The following NEMP2 variants were observed in gnomAD, a reference collection of about 807,000 sequenced individuals.
The protein encoded by NEMP2 is UPF0571 transmembrane protein.
NEMP2 carries 53 observed loss-of-function variants against 54.2 expected under a neutral mutation model. The observed-to-expected ratio is 0.98, with a 90% CI of 0.78 to 1.23. The LOEUF is 1.23. NEMP2 is among the 50% of genes most tolerant of loss of function. NEMP2 has a pLI of 0.00. For synonymous variants in NEMP2, 197 were observed against 190.3 expected, an observed-to-expected ratio of 1.04 and a Z score of -0.29; for missense variants, 455 against 511.3, an observed-to-expected ratio of 0.89 and a Z score of 1.06.
the NEMP2 span, among the ~76,000 whole-genome samples, chr2:190,472,945 G>A: frequency 6.6e-6 from 1 of 152,186 alleles, no homozygotes; most frequent in Non-Finnish European, 1.5e-5. Flanking sequence ...CATTCTTAAA[G>A]GAAAGAATTT....
In NEMP2 at chr2:190,504,754, G is replaced by A. The variant is rs1690147523; in HGVS notation, c.*4435C>T. On this transcript the variant is annotated 3_prime_UTR_variant, in exon 9 of 9. Transcript: ENST00000409150. The surrounding 1 kb of genome is among the most constrained non-coding windows in gnomAD (Gnocchi z 5.6). ...AATTGTAAACTTACATTTGAAAAAA[G>A]GTCGGATTTTTTTTGTTTCCTGAAA... 6.6e-6 allele frequency: 1 copy of A among 152,008 alleles called. No individual in the cohort carries two copies. The highest frequency in any genetic ancestry group is 2.1e-4 in the South Asian group (1 of 4,818). 9.4% of individuals were successfully genotyped at this position (152,008 alleles called of 1,614,324 possible). A position where few individuals can be genotyped will look rare whatever the true frequency, so the allele number is the denominator to read the frequency against.
chr2:190,572,833 G>GCTTATATA, the NEMP2 span, among the ~76,000 whole-genome samples: 41 of 47,864 alleles, frequency 8.6e-4, 1 homozygote, highest in Non-Finnish European at 1.2e-3. Context: ...CTTTTCATGA[G>GCTTATATA]TATATATATA....
chr2:190,426,017 T>A, the NEMP2 span, among the ~76,000 whole-genome samples: 1 of 152,202 alleles, frequency 6.6e-6, no homozygotes, highest in Admixed American at 6.5e-5. The surrounding 1 kb of genome is among the most constrained non-coding windows in gnomAD (Gnocchi z 4.7). Context: ...GTTTGACTGA[T>A]GAGTTTTGGT....
the NEMP2 span, among the ~76,000 whole-genome samples, chr2:190,485,803 T>TA: frequency 6.2e-3 from 893 of 144,404 alleles, 6 homozygotes; most frequent in African/African-American, 0.018. The surrounding 1 kb of genome is among the most constrained non-coding windows in gnomAD (Gnocchi z 5.1). Flanking sequence ...TCTTACTAGT[T>TA]AAAAAAAAAA....
At chr2:190,489,717 G>C in the NEMP2 span, 2 of 1,512,736 alleles carry the variant, frequency 1.3e-6, no homozygotes, top group East Asian at 2.3e-5. This position sits in a 1 kb window ranked among gnomAD's most constrained non-coding sequence, Gnocchi z 6.6. Flanking sequence ...TTAGATGAGC[G>C]CTATCTGCAT....
chr2:190,530,989 C>G lies in NEMP2; in HGVS notation c.97+3570G>C, dbSNP rs768886037. ...GACCAGCCTGGGCAATATGGTGAAA[C>G]CCTGTCTTTACCAAAAATAAAAAAT... is the stretch of plus-strand genomic sequence containing the variant. On this transcript the variant is annotated intron_variant, in intron 1 of 8. Coordinates refer to ENST00000409150, the MANE Select transcript of NEMP2 (RefSeq NM_001142645.2). The surrounding 1 kb of genome is among the most constrained non-coding windows in gnomAD (Gnocchi z 4.6). Among the ~76,000 whole-genome samples, 9 of 152,138 alleles carry G rather than the reference C, an allele frequency of 5.9e-5. No homozygotes were observed. The highest frequency in any genetic ancestry group is 1.2e-4 in the Non-Finnish European group (8 of 68,008).
the NEMP2 span, among the ~76,000 whole-genome samples, chr2:190,486,661 G>A: frequency 6.6e-6 from 1 of 152,166 alleles, no homozygotes; most frequent in Admixed American, 6.5e-5. Flanking sequence ...AATAAATTTA[G>A]TCCCTGTTAT....
the NEMP2 span, among the ~76,000 whole-genome samples, chr2:190,421,892 A>C: frequency 6.6e-6 from 1 of 152,176 alleles, no homozygotes; most frequent in African/African-American, 2.4e-5. Flanking sequence ...ATTTAAAGAC[A>C]CTAGATAATA....
At chr2:190,580,148 A>G in the NEMP2 span, among the ~76,000 whole-genome samples, 1 of 152,204 alleles carries the variant, frequency 6.6e-6, no homozygotes, top group Non-Finnish European at 1.5e-5. This position sits in a 1 kb window ranked among gnomAD's most constrained non-coding sequence, Gnocchi z 5.3. Context: ...ATGCGTGTCC[A>G]CAGGCCACTC....
chr2:190,636,938 A>C, the NEMP2 span, among the ~76,000 whole-genome samples: 2 of 152,112 alleles, frequency 1.3e-5, no homozygotes, highest in African/African-American at 4.8e-5. Flanking sequence ...CATCTTGCTT[A>C]AATCTTTTCG....
the NEMP2 span, chr2:190,437,090 T>C: frequency 3.1e-6 from 5 of 1,614,226 alleles, no homozygotes; most frequent in South Asian, 4.4e-5. This position sits in a 1 kb window ranked among gnomAD's most constrained non-coding sequence, Gnocchi z 5.9. Flanking sequence ...ATCGAAGTGC[T>C]CATCGATGGA....
At chr2:190,423,700 A>G in the NEMP2 span, among the ~76,000 whole-genome samples, 1 of 152,170 alleles carries the variant, frequency 6.6e-6, no homozygotes, top group Non-Finnish European at 1.5e-5. The surrounding 1 kb of genome is among the most constrained non-coding windows in gnomAD (Gnocchi z 4.3). Flanking sequence ...ATTTAGTTTT[A>G]TTAGAAACTG....
the NEMP2 span, among the ~76,000 whole-genome samples, chr2:190,445,168 T>C: frequency 4.9e-4 from 75 of 152,280 alleles, 1 homozygote; most frequent in South Asian, 0.013. Context: ...TATTCATCTG[T>C]AAATCTGGGG....
At chr2:190,441,012 A>C in the NEMP2 span, among the ~76,000 whole-genome samples, 1 of 152,180 alleles carries the variant, frequency 6.6e-6, no homozygotes, top group African/African-American at 2.4e-5. Flanking sequence ...AATAGCAGTA[A>C]GTATTATAAG....
the NEMP2 span, among the ~76,000 whole-genome samples, chr2:190,575,076 C>T: frequency 6.6e-6 from 1 of 151,786 alleles, no homozygotes; most frequent in African/African-American, 2.4e-5. Flanking sequence ...AGGCTGGTCT[C>T]GAACTCCTGA....
At chr2:190,503,563 G>A (rs1362898828), downstream of NEMP2, among the ~76,000 whole-genome samples, 4 of 152,176 alleles carry the variant, frequency 2.6e-5, no homozygotes, top group Non-Finnish European at 4.4e-5. The surrounding 1 kb of genome is among the most constrained non-coding windows in gnomAD (Gnocchi z 6.3). Context: ...TAGAGCTTAA[G>A]GTTATGTTGA....
Position 190,516,350 on chromosome 2 carries a change from CA to C in NEMP2, c.646del (p.Trp216GlyfsTer11). On this transcript the variant is annotated frameshift_variant, in exon 6 of 9. Transcript: ENST00000409150. LOFTEE classifies it high-confidence loss of function. ...GCATACAATATAAACTGAGGCAAACCAACAACCAACCATTAGAGCCCAAAAG... is the reference window on the plus strand; with the variant it reads ...GCATACAATATAAACTGAGGCAAACCACAACCAACCATTAGAGCCCAAAAG... Reference protein sequence around the residue: ...STFWALMVGCWFASVYIVCQL... With the variant: ...STFWALMVGCXFASVYIVCQL... The C allele has an allele frequency of 6.4e-7, 1 of 1,551,498 alleles. No individual in the cohort carries two copies. The highest frequency in any genetic ancestry group is 8.7e-7 in the Non-Finnish European group (1 of 1,146,916).
the NEMP2 span, among the ~76,000 whole-genome samples, chr2:190,647,712 T>TC: frequency 7.2e-3 from 671 of 93,742 alleles, 8 homozygotes; most frequent in East Asian, 6.8e-3. Context: ...TTCTTCTTCT[T>TC]TTTTTTTTTT....
the NEMP2 span, among the ~76,000 whole-genome samples, chr2:190,627,009 G>A: frequency 6.6e-6 from 1 of 151,978 alleles, no homozygotes; most frequent in East Asian, 1.9e-4. The surrounding 1 kb of genome is among the most constrained non-coding windows in gnomAD (Gnocchi z 4.4). Flanking sequence ...AGTCTGTGAA[G>A]AGTATTTTGA....
Sources: allele counts gnomAD v4.1 joint callset (sites outside exome capture counted in the v4.1 genomes callset), GRCh38; gene constraint gnomAD v4.1.1; non-coding constraint Gnocchi (gnomAD v3.1); transcripts MANE v1.5; gene names NCBI Gene and HGNC (gene_info 2026-07-23, HGNC 2026-07-21).